Variants in TMC6 observed in about 807,000 individuals in gnomAD.
The protein encoded by TMC6 is transmembrane channel like 6, also known as transmembrane channel-like protein 6.
In TMC6, 71 loss-of-function variants were observed where a neutral mutation model predicts 95.4. The ratio of observed to expected loss-of-function variants is 0.74; its 90% CI spans 0.61 to 0.91. The LOEUF is 0.91. Ranked by LOEUF, TMC6 falls within the 40% of genes least tolerant of loss-of-function variation. The pLI, the probability that TMC6 is intolerant of heterozygous loss-of-function variation, is 0.00. For missense variants in TMC6, 1,074 were observed against 1,079.1 expected, an observed-to-expected ratio of 1.00 and a Z score of 0.07; for synonymous variants, 514 against 483.1, an observed-to-expected ratio of 1.06 and a Z score of -0.84.
chr17:78,124,730 G>C lies in TMC6; in HGVS notation c.685C>G (p.Pro229Ala), dbSNP rs964050957. 2 of 1,589,922 alleles carry C rather than the reference G, an allele frequency of 1.3e-6. No individual in the cohort carries two copies. Among genetic ancestry groups the C allele is most frequent in the African/African-American group, 2.7e-5 (2 of 74,466 alleles). ...ATGCGCTTCAGGGCGTAGCGCCACGGCATCAGGGCCTGCAGGGCGGAGAGC... is the reference window on the plus strand; with the variant it reads ...ATGCGCTTCAGGGCGTAGCGCCACGCCATCAGGGCCTGCAGGGCGGAGAGC... Reference protein sequence around the residue: ...ALLSALQALMPWRYALKRIGG... With the variant: ...ALLSALQALMAWRYALKRIGG... The change falls in exon 8 of 20, where the codon CCG becomes GCG. Residue 229 changes from proline to alanine, a missense_variant. Transcript: ENST00000590602.
At position 78,121,794 on chromosome 17, in the gene TMC6, A is replaced by C; in HGVS notation, c.1228-83T>G. On this transcript the variant is annotated intron_variant, in intron 10 of 19. Transcript: ENST00000590602. The surrounding 1 kb of genome is among the most constrained non-coding windows in gnomAD (Gnocchi z 5.6). ...GCAGACACAGCACAACACACACAAC[A>C]CACATGAGACACACCAGGAGGCTTG... is the stretch of plus-strand genomic sequence containing the variant. 2 of 1,463,696 alleles carry C rather than the reference A, an allele frequency of 1.4e-6. No homozygotes were observed. Among genetic ancestry groups the C allele is most frequent in the Non-Finnish European group, 9.1e-7 (1 of 1,098,446 alleles). 90.7% of individuals were successfully genotyped at this position (1,463,696 alleles called of 1,614,324 possible). A position where few individuals can be genotyped will look rare whatever the true frequency, so the allele number is the denominator to read the frequency against.
Position 78,118,996 on chromosome 17 carries a change from A to C in TMC6, c.1862T>G (p.Leu621Arg), listed in dbSNP as rs1175173009. 6.2e-7 allele frequency: 1 copy of C among 1,605,732 alleles called. No homozygotes were observed. The highest frequency in any genetic ancestry group is 8.5e-7 in the Non-Finnish European group (1 of 1,176,482). The change falls in exon 15 of 20, where the codon CTG becomes CGG. Residue 621 changes from leucine to arginine, a missense_variant. Coordinates refer to ENST00000590602, the MANE Select transcript of TMC6 (RefSeq NM_001127198.5). ...CTTCTTGACATAGAAGACGAGCAGC[A>C]GCTTGATGATCTGCACGGCGGGGAG... Reference protein sequence around the residue: ...PLLPAVQIIKLLLVFYVKKTS... With the variant: ...PLLPAVQIIKRLLVFYVKKTS...
At chr17:78,131,544 C>A, upstream of TMC6, 1 of 1,537,118 alleles carries the variant, frequency 6.5e-7, no homozygotes, top group Non-Finnish European at 8.7e-7. Context: ...TCATATCCCC[C>A]CCACCGGCAG....
rs185225783 is a variant in TMC6, at chr17:78,124,703, C to T, written c.712G>A (p.Gly238Arg). Reference sequence around the variant, plus strand: ...AGCACGCTGGAGCCGAACTGGCCCCCGATGCGCTTCAGGGCGTAGCGCCAC... The same window carrying T: ...AGCACGCTGGAGCCGAACTGGCCCCTGATGCGCTTCAGGGCGTAGCGCCAC... ...MPWRYALKRIGGQFGSSVLSY... is the reference protein window; with the variant it reads ...MPWRYALKRIRGQFGSSVLSY... Residue 238 changes from glycine (G) to arginine (R), a missense_variant, in exon 8 of 20, where the codon GGG becomes AGG. Transcript: ENST00000590602. The T allele has an allele frequency of 3.8e-5, 60 of 1,598,742 alleles. 1 individual carries two copies. The Admixed American group carries it at 7.1e-4, about 19-fold the overall frequency.
rs2073745203 is a variant in TMC6, at chr17:78,108,331, G to T, written c.*4817C>A. The T allele has an allele frequency of 6.5e-6, 1 of 154,678 alleles. No homozygotes were observed. The highest frequency in any genetic ancestry group is 2.0e-4 in the South Asian group (1 of 4,930). 9.6% of individuals were successfully genotyped at this position (154,678 alleles called of 1,614,324 possible). ...TGGAAATTGAGAAGGAAAGCATTGA[G>T]TGGGACCTAATCCGGAGAAGAAATT... On this transcript the variant is annotated 3_prime_UTR_variant, in exon 20 of 20. Transcript: ENST00000590602.
At position 78,122,051 on chromosome 17, in the gene TMC6, C is replaced by G. The variant is rs868047354; in HGVS notation, c.1228-340G>C. Among the ~76,000 whole-genome samples the G allele has an allele frequency of 6.6e-6, 1 of 152,148 alleles. No individual in the cohort carries two copies. Among genetic ancestry groups the G allele is most frequent in the Non-Finnish European group, 1.5e-5 (1 of 68,026 alleles). On this transcript the variant is annotated intron_variant, in intron 10 of 19. Coordinates refer to ENST00000590602, the MANE Select transcript of TMC6 (RefSeq NM_001127198.5). This position sits in a 1 kb window ranked among gnomAD's most constrained non-coding sequence, Gnocchi z 4.9. ...TCCTGTTCCCTGTGGATGTGGGTGG[C>G]CCCCAGTGACCAGAAGCCCCCCTAC...
chr17:78,132,049 G>A (rs1323652589), upstream of TMC6: 3 of 1,534,482 alleles, frequency 2.0e-6, no homozygotes, highest in Admixed American at 2.0e-5. Flanking sequence ...CGCGCGACCC[G>A]CACCTCCCCT....
At position 78,119,943 on chromosome 17, in the gene TMC6, G is replaced by A. The variant is rs764630205; in HGVS notation, c.1716-551C>T. 9.6e-4 allele frequency: 308 copies of A among 319,252 alleles called. 1 individual carries two copies. The highest frequency in any genetic ancestry group is 3.2e-3 in the Middle Eastern group (3 of 924). 19.8% of individuals were successfully genotyped at this position (319,252 alleles called of 1,614,324 possible). On this transcript the variant is annotated intron_variant, in intron 13 of 19. Transcript: ENST00000590602. ...GATTACAGGCGTGAGCCACCACACC[G>A]GGCCTCCTACTGATTTTTTTAATCT...
rs1222522675 is a variant in TMC6, at chr17:78,119,039, C to T, written c.1819G>A (p.Val607Met). 4.4e-6 allele frequency: 7 copies of T among 1,592,374 alleles called. No homozygotes were observed. Among genetic ancestry groups the T allele is most frequent in the Non-Finnish European group, 6.0e-6 (7 of 1,169,608 alleles). ...GCGGGGAGGAGGGGCGAGAAGAGCA[C>T]CCCCAGCCTGGGGAGGGGGTGGCAG... ...IYGQTLTWLGVLFSPLLPAVQ... is the reference protein window; with the variant it reads ...IYGQTLTWLGMLFSPLLPAVQ... Residue 607 changes from valine (V) to methionine (M), a missense_variant, in exon 15 of 20, where the codon GTG becomes ATG. By Grantham distance (21) the Val-to-Met change is conservative. Coordinates refer to ENST00000590602, the MANE Select transcript of TMC6 (RefSeq NM_001127198.5).
At chr17:78,120,863 G>T in intron 12 of TMC6, 31 bp from the exon 13 acceptor site, 2 of 1,610,730 alleles carry the variant, frequency 1.2e-6, no homozygotes, top group Non-Finnish European at 1.7e-6. Flanking sequence ...AGGCTGAGGG[G>T]CGGGTACAGG....
chr17:78,119,423 G>A, intron 13 of TMC6, 31 bp from the exon 14 acceptor site: 1 of 1,611,370 alleles, frequency 6.2e-7, no homozygotes, highest in Non-Finnish European at 8.5e-7. Context: ...TCGTTAGATG[G>A]GAAAGCCATG....
chr17:78,121,003 G>C lies in TMC6; in HGVS notation c.1535+10C>G, dbSNP rs546888861. The C allele has an allele frequency of 5.6e-6, 9 of 1,613,288 alleles. No individual in the cohort carries two copies. Among genetic ancestry groups the C allele is most frequent in the Middle Eastern group, 1.6e-4 (1 of 6,062 alleles). ...AGCACCAAATGATGTTTTCATGTGC[G>C]GCCACACACCTGCAGATGGCCACGT... is the stretch of plus-strand genomic sequence containing the variant. On this transcript the variant is annotated intron_variant, in intron 12 of 19. Coordinates refer to ENST00000590602, the MANE Select transcript of TMC6 (RefSeq NM_001127198.5). This position sits in a 1 kb window ranked among gnomAD's most constrained non-coding sequence, Gnocchi z 5.6.
chr17:78,121,425 G>A lies in TMC6; in HGVS notation c.1383+131C>T, dbSNP rs947980587. 5 of 1,490,310 alleles carry A rather than the reference G, an allele frequency of 3.4e-6. No homozygotes were observed. Among genetic ancestry groups the A allele is most frequent in the African/African-American group, 2.8e-5 (2 of 71,972 alleles). 92.3% of individuals were successfully genotyped at this position (1,490,310 alleles called of 1,614,324 possible). On this transcript the variant is annotated intron_variant, in intron 11 of 19. Transcript: ENST00000590602. The surrounding 1 kb of genome is among the most constrained non-coding windows in gnomAD (Gnocchi z 5.6). ...GGCTCGGAGGGGGCCCCAGCACGGG[G>A]CACAGCGTACGTGGCACCCTGGGCT...
chr17:78,131,374 G>T, upstream of TMC6: 2 of 645,240 alleles, frequency 3.1e-6, no homozygotes, highest in Non-Finnish European at 5.3e-6. Context: ...TCTCATTTCT[G>T]AGCCCCGGAG....
rs143828253 is a variant in TMC6 at position 78,121,854 on chromosome 17, C to G, written c.1228-143G>C. 29 of 1,133,174 alleles carry G rather than the reference C, an allele frequency of 2.6e-5. No individual in the cohort carries two copies. In the African/African-American group the frequency reaches 4.2e-4, roughly 16 times the overall value. The allele number at this position is 1,133,174 out of a possible 1,614,324, so 70.2% of individuals were successfully genotyped here. A position where few individuals can be genotyped will look rare whatever the true frequency, so the allele number is the denominator to read the frequency against. ...AGAGGGCCAGTTCCCCATGCCCCAC[C>G]TGCCCTTTCATCTGCTGAGGGCCCT... On this transcript the variant is annotated intron_variant, in intron 10 of 19. Transcript: ENST00000590602. The surrounding 1 kb of genome is among the most constrained non-coding windows in gnomAD (Gnocchi z 5.6).
rs1282622647 is a variant in TMC6 at position 78,113,178 on chromosome 17, AG to A, written c.2387del (p.Pro796LeufsTer61). The A allele has an allele frequency of 3.2e-6, 5 of 1,558,562 alleles. No homozygotes were observed. The Admixed American group carries it at 7.7e-5, about 24-fold the overall frequency. On this transcript the variant is annotated frameshift_variant, in exon 20 of 20. Transcript: ENST00000590602. LOFTEE classifies it low-confidence loss of function (END_TRUNC). ...VGTTEEAAAP[P>X]ALLTDEQDA ...CATCCTGTTCATCTGTGAGCAGGGC[AG>A]GGGGTGCCGCAGCCTCCTCGGTTGT...
Position 78,112,061 on chromosome 17 carries a change from G to C in TMC6, c.*1087C>G. The C allele has an allele frequency of 4.4e-6, 1 of 227,582 alleles. No individual in the cohort carries two copies. The highest frequency in any genetic ancestry group is 3.6e-5 in the South Asian group (1 of 27,566). The allele number at this position is 227,582 out of a possible 1,614,324, so 14.1% of individuals were successfully genotyped here. ...CTGGGGTCATGACGGGCTGGTCCCC[G>C]CAGGCCTGGAGCACAGGCTGACGGG... On this transcript the variant is annotated 3_prime_UTR_variant, in exon 20 of 20. Transcript: ENST00000590602.
chr17:78,126,781 G>T lies in TMC6; in HGVS notation c.52C>A (p.Gln18Lys), dbSNP rs1568004262. 2 of 1,613,206 alleles carry T rather than the reference G, an allele frequency of 1.2e-6. No homozygotes were observed. Among genetic ancestry groups the T allele is most frequent in the Non-Finnish European group, 1.7e-6 (2 of 1,179,874 alleles). The change falls in exon 2 of 20, where the codon CAG becomes AAG. Residue 18 changes from glutamine to lysine, a missense_variant. Gln to Lys is a moderately conservative substitution (Grantham distance 53, BLOSUM62 1). Coordinates refer to ENST00000590602, the MANE Select transcript of TMC6 (RefSeq NM_001127198.5). ...CCCCAGCCCCAGAGCGCTTACCCCT[G>T]GTCCCCTGGGGTCTCAGGGACATCG... The part of the protein sequence containing the change: ...ILDVPETPGD[Q>K]GQGPSPYDES...
intron 14 of TMC6, 63 bp downstream of exon 14, chr17:78,119,234 C>A: frequency 6.3e-7 from 1 of 1,599,564 alleles, no homozygotes; most frequent in South Asian, 1.1e-5. Context: ...GTACAGGACC[C>A]CCGGGGGGAA....
Sources: gnomAD v4.1 joint callset for allele counts (sites outside exome capture counted in the v4.1 genomes callset) on GRCh38, gnomAD v4.1.1 for gene constraint, Gnocchi (gnomAD v3.1) non-coding constraint, MANE v1.5 for transcripts, NCBI Gene and HGNC (gene_info 2026-07-23, HGNC 2026-07-21) for gene names.